DOK5: variants seen among roughly 807,000 people sequenced by gnomAD.
The protein encoded by DOK5 is docking protein 5, also known as downstream of tyrosine kinase 5.
DOK5 carries 27 observed loss-of-function variants against 43.3 expected under a neutral mutation model. The ratio of observed to expected loss-of-function variants is 0.62; its 90% CI spans 0.46 to 0.86. DOK5 has a LOEUF of 0.86. Ranked by LOEUF, DOK5 falls within the 40% of genes least tolerant of loss-of-function variation. The pLI is 0.00. For missense variants in DOK5, 373 were observed against 392.9 expected (o/e 0.95, Z 0.43); for synonymous variants, 146 against 140.1 (o/e 1.04, Z -0.30).
At chr20:54,532,196 G>A (rs993895875) in intron 1 of DOK5, among the ~76,000 whole-genome samples, 9 of 152,216 alleles carry the variant, frequency 5.9e-5, no homozygotes, top group Admixed American at 2.6e-4. Context: ...TGACCCTCTC[G>A]ACAACCCAGT....
intron 1 of DOK5, among the ~76,000 whole-genome samples, chr20:54,491,503 G>A (rs920497467): frequency 6.6e-6 from 1 of 152,182 alleles, no homozygotes; most frequent in Admixed American, 6.5e-5. Context: ...TGGTAGAAGA[G>A]AAACCTGGCC....
At chr20:54,518,097 G>A (rs1983262311) in intron 1 of DOK5, among the ~76,000 whole-genome samples, 1 of 151,886 alleles carries the variant, frequency 6.6e-6, no homozygotes, top group Admixed American at 6.6e-5. Context: ...GCCCCCTCTG[G>A]TAGCTACTAT....
At chr20:54,640,988 T>C (rs1392110147) in intron 6 of DOK5, among the ~76,000 whole-genome samples, 1 of 152,234 alleles carries the variant, frequency 6.6e-6, no homozygotes, top group Non-Finnish European at 1.5e-5. Context: ...GTGAGGGATA[T>C]GTTAATTAGC....
At chr20:54,479,539 G>C (rs943035081) in intron 1 of DOK5, among the ~76,000 whole-genome samples, 1 of 152,186 alleles carries the variant, frequency 6.6e-6, no homozygotes, top group Non-Finnish European at 1.5e-5. Context: ...TTCTCACTTC[G>C]TTTCTTTCCT....
chr20:54,533,452 T>G (rs1983849558), intron 1 of DOK5, among the ~76,000 whole-genome samples: 1 of 152,240 alleles, frequency 6.6e-6, no homozygotes. Flanking sequence ...ATTTGAAATT[T>G]AAACATTTTT....
At chr20:54,595,940 T>C (rs1986128265) in intron 5 of DOK5, among the ~76,000 whole-genome samples, 1 of 152,190 alleles carries the variant, frequency 6.6e-6, no homozygotes, top group Non-Finnish European at 1.5e-5. Flanking sequence ...TGCAGGTTTG[T>C]TGTAGGTAAA....
intron 5 of DOK5, among the ~76,000 whole-genome samples, chr20:54,596,982 A>G (rs568486489): frequency 1.4e-4 from 21 of 152,316 alleles, no homozygotes; most frequent in Admixed American, 9.2e-4. Flanking sequence ...TGCTGTCATT[A>G]TATATACTAT....
chr20:54,485,479 T>C (rs767254500), intron 1 of DOK5, among the ~76,000 whole-genome samples: 41 of 152,350 alleles, frequency 2.7e-4, no homozygotes, highest in South Asian at 1.4e-3. Flanking sequence ...TATAAGTTTG[T>C]TCTTTTTTCT....
intron 1 of DOK5, among the ~76,000 whole-genome samples, chr20:54,500,557 ATTTTTT>A (rs545357915): frequency 8.7e-6 from 1 of 115,478 alleles, no homozygotes; most frequent in Admixed American, 8.9e-5. Context: ...TACCCAGTGT[ATTTTTT>A]TTTTTTTTTT....
intron 2 of DOK5, among the ~76,000 whole-genome samples, chr20:54,577,577 C>G (rs923316886): frequency 8.5e-5 from 13 of 152,202 alleles, no homozygotes; most frequent in African/African-American, 3.1e-4. Context: ...AGAGAAAACT[C>G]TATGAAAATC....
intron 1 of DOK5, among the ~76,000 whole-genome samples, chr20:54,484,996 C>T (rs544990358): frequency 2.6e-5 from 4 of 152,232 alleles, no homozygotes; most frequent in South Asian, 4.1e-4. Context: ...TCAGCCTGAA[C>T]GACAGAGCAA....
chr20:54,534,376 A>G (rs578148616), intron 1 of DOK5, among the ~76,000 whole-genome samples: 1 of 152,184 alleles, frequency 6.6e-6, no homozygotes, highest in South Asian at 2.1e-4. Context: ...TATTGTAGAG[A>G]TGGGGTTTTG....
chr20:54,536,285 C>G (rs547222442), intron 1 of DOK5, among the ~76,000 whole-genome samples: 1 of 152,250 alleles, frequency 6.6e-6, no homozygotes, highest in East Asian at 1.9e-4. Context: ...CATCAGTGGC[C>G]TTAGTCACTG....
At chr20:54,574,161 A>C (rs117700417) in intron 2 of DOK5, among the ~76,000 whole-genome samples, 1,957 of 152,152 alleles carry the variant, frequency 0.013, 23 homozygotes, top group Non-Finnish European at 0.019. Context: ...CTGCCTGGGG[A>C]GGTTTTGAAG....
intron 1 of DOK5, among the ~76,000 whole-genome samples, chr20:54,521,393 C>G (rs1032617465): frequency 1.3e-5 from 2 of 152,114 alleles, no homozygotes; most frequent in Non-Finnish European, 2.9e-5. Context: ...CCTACCCACA[C>G]CTGTTTAGCA....
chr20:54,480,511 A>G (rs752131261), intron 1 of DOK5, among the ~76,000 whole-genome samples: 14 of 152,214 alleles, frequency 9.2e-5, no homozygotes, highest in African/African-American at 3.4e-4. Flanking sequence ...TTAGCATATC[A>G]TCAAGAAATA....
Position 54,643,578 on chromosome 20 carries a change from G to A in DOK5, c.856G>A (p.Asp286Asn), listed in dbSNP as rs140768036. 3.1e-6 allele frequency: 5 copies of A among 1,611,732 alleles called. No individual in the cohort carries two copies. Among genetic ancestry groups the A allele is most frequent in the East Asian group, 2.2e-5 (1 of 44,874 alleles). The change falls in exon 7 of 8, where the codon GAT (aspartate) becomes AAT (asparagine). Residue 286 changes from aspartate to asparagine, a missense_variant and splice_region_variant. Transcript: ENST00000262593. ...CACGGGACAGCTCTACCGCTTGCAAGGTAAGCGTGGGGCTACCTGTGTCCA... is the reference window on the plus strand; with the variant it reads ...CACGGGACAGCTCTACCGCTTGCAAAGTAAGCGTGGGGCTACCTGTGTCCA... ...HSTGQLYRLQ[D>N]VSSPLKLHRT...
Position 54,633,475 on chromosome 20 carries a change from T to C in DOK5, c.736-9983T>C, listed in dbSNP as rs182701830. Among the ~76,000 whole-genome samples, 144 of 152,236 alleles carry C rather than the reference T, an allele frequency of 9.5e-4. 3 individuals are homozygous for C. The highest frequency in any genetic ancestry group is 5.4e-3 in the East Asian group (28 of 5,174). The stretch of plus-strand genomic sequence containing the variant: ...CCTTCTGACTCAACTTTGCCCATGT[T>C]TTGTGCTTGAAATATTGATAGAAAA... On this transcript the variant is annotated intron_variant, in intron 6 of 7. Transcript: ENST00000262593.
chr20:54,512,980 C>T (rs1368717466), intron 1 of DOK5, among the ~76,000 whole-genome samples: 1 of 152,158 alleles, frequency 6.6e-6, no homozygotes, highest in Non-Finnish European at 1.5e-5. Flanking sequence ...TCACTGATGG[C>T]TTTTTCCCCC....
Sources: gnomAD v4.1 joint callset for allele counts (sites outside exome capture counted in the v4.1 genomes callset) on GRCh38, gnomAD v4.1.1 for gene constraint, MANE v1.5 for transcripts, NCBI Gene and HGNC (gene_info 2026-07-23, HGNC 2026-07-21) for gene names.